CREB5: variants seen among roughly 807,000 people sequenced by gnomAD.
The protein encoded by CREB5 is cyclic AMP-responsive element-binding protein 5.
In CREB5, 19 loss-of-function variants were observed where a neutral mutation model predicts 57.1. The observed-to-expected ratio is 0.33, with a 90% CI of 0.23 to 0.49. The LOEUF is 0.49. Among genes scored for constraint, CREB5 ranks in the 20% least tolerant of loss-of-function variants. The pLI is 0.99. For missense variants in CREB5, 579 were observed against 671.6 expected (o/e 0.86, Z 1.52); for synonymous variants, 238 against 238.3 (o/e 1.00, Z 0.01).
In CREB5 at chr7:28,642,817, G is replaced by A. The variant is rs1275748795; in HGVS notation, c.464+72280G>A. 1.3e-5 allele frequency among the ~76,000 whole-genome samples: 2 copies of A among 152,094 alleles called. 1 individual carries two copies. Among genetic ancestry groups the A allele is most frequent in the East Asian group, 3.9e-4 (2 of 5,192 alleles). The stretch of plus-strand genomic sequence containing the variant: ...GCATGCGATCAGAGTACAGATGGGA[G>A]CAGATGTAAATGGCATATGTAATAG... On this transcript the variant is annotated intron_variant, in intron 5 of 10. Transcript: ENST00000357727.
chr7:28,495,881 G>C (rs959102678), intron 3 of CREB5, among the ~76,000 whole-genome samples: 9 of 152,210 alleles, frequency 5.9e-5, no homozygotes, highest in Non-Finnish European at 1.0e-4. Flanking sequence ...AACAGCAAGT[G>C]CTCAGCAAAT....
intron 5 of CREB5, among the ~76,000 whole-genome samples, chr7:28,576,119 G>A (rs542782843): frequency 9.9e-5 from 15 of 152,272 alleles, no homozygotes; most frequent in Non-Finnish European, 1.9e-4. Context: ...CAAGCATTGT[G>A]TCTTAGTGTC....
chr7:28,458,987 G>A (rs891468584), intron 1 of CREB5, among the ~76,000 whole-genome samples: 2 of 152,152 alleles, frequency 1.3e-5, no homozygotes, highest in African/African-American at 4.8e-5. Context: ...GATGTAATGG[G>A]CTGGGTCGAT....
chr7:28,698,203 C>T (rs1379229831), intron 5 of CREB5, among the ~76,000 whole-genome samples: 1 of 151,916 alleles, frequency 6.6e-6, no homozygotes, highest in East Asian at 1.9e-4. Flanking sequence ...TTACCGAACG[C>T]AAAATGCCAT....
At chr7:28,634,456 T>A (rs953760433) in intron 5 of CREB5, among the ~76,000 whole-genome samples, 2 of 152,198 alleles carry the variant, frequency 1.3e-5, no homozygotes, top group Admixed American at 6.5e-5. Flanking sequence ...AATTCTTTTT[T>A]AAAAAATTAT....
chr7:28,434,014 A>T (rs1187068349), intron 1 of CREB5, among the ~76,000 whole-genome samples: 1 of 152,224 alleles, frequency 6.6e-6, no homozygotes, highest in East Asian at 1.9e-4. Flanking sequence ...CTAGAGGGTC[A>T]GTAGCATCAG....
At chr7:28,686,901 TTCTC>T (rs142387642) in intron 5 of CREB5, among the ~76,000 whole-genome samples, 2 of 152,230 alleles carry the variant, frequency 1.3e-5, no homozygotes, top group East Asian at 1.9e-4. Context: ...TCTGCCAGGA[TTCTC>T]TCTCTCTGTT....
chr7:28,649,703 A>G (rs1387574340), intron 5 of CREB5, among the ~76,000 whole-genome samples: 2 of 152,330 alleles, frequency 1.3e-5, no homozygotes, highest in East Asian at 1.9e-4. Context: ...GGAATGGACC[A>G]TATCTTATTA....
At chr7:28,793,291 A>T (rs1807834283) in intron 7 of CREB5, among the ~76,000 whole-genome samples, 1 of 152,212 alleles carries the variant, frequency 6.6e-6, no homozygotes, top group Non-Finnish European at 1.5e-5. Context: ...AGCACATTAG[A>T]CAGCCTCAGA....
intron 8 of CREB5, 82 bp from the exon 9 acceptor site, chr7:28,809,105 T>TTTAACATCAGCTTGGGTTTC: frequency 7.6e-7 from 1 of 1,318,020 alleles, no homozygotes; most frequent in South Asian, 1.4e-5. Context: ...TGCTTTGCTT[T>TTTAACATCAGCTTGGGTTTC]TTAACATCAG....
intron 1 of CREB5, among the ~76,000 whole-genome samples, chr7:28,385,388 T>C (rs1583412349): frequency 6.6e-6 from 1 of 152,248 alleles, no homozygotes. Flanking sequence ...AAGAAGTATG[T>C]ATATGAGGCC....
chr7:28,439,806 A>G (rs1391989840), intron 1 of CREB5, among the ~76,000 whole-genome samples: 1 of 152,188 alleles, frequency 6.6e-6, no homozygotes, highest in Non-Finnish European at 1.5e-5. Flanking sequence ...GCATCCTTGC[A>G]ATAGAATTTA....
chr7:28,408,703 T>G (rs1787644208), upstream of CREB5, among the ~76,000 whole-genome samples: 1 of 151,958 alleles, frequency 6.6e-6, no homozygotes, highest in South Asian at 2.1e-4. Context: ...CCGCGAAGGG[T>G]GGGGCTGTGT....
intron 4 of CREB5, among the ~76,000 whole-genome samples, chr7:28,512,759 A>G (rs2391671): frequency 0.28 from 42,344 of 151,942 alleles, 6,025 homozygotes; most frequent in South Asian, 0.37. Flanking sequence ...TTACAGCCTA[A>G]AGTGGTTAAA....
At chr7:28,516,179 A>G (rs1225981148) in intron 4 of CREB5, among the ~76,000 whole-genome samples, 1 of 152,054 alleles carries the variant, frequency 6.6e-6, no homozygotes, top group African/African-American at 2.4e-5. Flanking sequence ...GCACCACTGT[A>G]CTCGACTGAG....
At chr7:28,557,639 G>A (rs1457332594) in intron 4 of CREB5, among the ~76,000 whole-genome samples, 1 of 152,168 alleles carries the variant, frequency 6.6e-6, no homozygotes, top group East Asian at 1.9e-4. Context: ...TGATCAAGTG[G>A]TCAGGCCTCA....
At chr7:28,424,585 T>C (rs1788418909) in intron 1 of CREB5, among the ~76,000 whole-genome samples, 1 of 152,370 alleles carries the variant, frequency 6.6e-6, no homozygotes, top group East Asian at 1.9e-4. Context: ...TTTTTGCTAA[T>C]GTAGGCATTA....
At chr7:28,787,147 A>G (rs935230648) in intron 7 of CREB5, among the ~76,000 whole-genome samples, 5 of 152,122 alleles carry the variant, frequency 3.3e-5, no homozygotes, top group African/African-American at 1.2e-4. Context: ...AGCTGAGAAG[A>G]GACATCTGCC....
intron 7 of CREB5, among the ~76,000 whole-genome samples, chr7:28,755,597 A>G (rs1805254551): frequency 6.6e-6 from 1 of 152,198 alleles, no homozygotes. Flanking sequence ...TTTTTTTGGA[A>G]GATAAATCTG....
Sources: gnomAD v4.1 joint callset for allele counts (sites outside exome capture counted in the v4.1 genomes callset) on GRCh38, gnomAD v4.1.1 for gene constraint, MANE v1.5 for transcripts, NCBI Gene and HGNC (gene_info 2026-07-23, HGNC 2026-07-21) for gene names.